The following POFUT3 variants were observed in gnomAD, a reference collection of about 807,000 sequenced individuals.
POFUT3 encodes the protein GDP-fucose protein O-fucosyltransferase 3.
chr8:33,400,602 C>G, the POFUT3 span, among the ~76,000 whole-genome samples: 1 of 151,958 alleles, frequency 6.6e-6, no homozygotes, highest in African/African-American at 2.4e-5. Context: ...TTTCTTATAC[C>G]TAGACTTTGT....
chr8:33,314,994 C>T, the POFUT3 span, among the ~76,000 whole-genome samples: 1 of 152,092 alleles, frequency 6.6e-6, no homozygotes, highest in African/African-American at 2.4e-5. Context: ...AACAATTATG[C>T]TTCAGTAGAA....
the POFUT3 span, among the ~76,000 whole-genome samples, chr8:33,465,813 A>C: frequency 6.6e-6 from 1 of 152,138 alleles, no homozygotes; most frequent in East Asian, 1.9e-4. Context: ...GTGAGTCTAG[A>C]TATCAGCTCA....
chr8:33,329,258 A>T, the POFUT3 span, among the ~76,000 whole-genome samples: 1 of 152,218 alleles, frequency 6.6e-6, no homozygotes, highest in Non-Finnish European at 1.5e-5. Context: ...AAGATGGGGA[A>T]GATGTATTGC....
the POFUT3 span, among the ~76,000 whole-genome samples, chr8:33,455,559 T>A: frequency 1.8e-4 from 27 of 152,336 alleles, 1 homozygote; most frequent in South Asian, 5.2e-3. Context: ...ATATAATTGA[T>A]ATGGCACTAA....
the POFUT3 span, among the ~76,000 whole-genome samples, chr8:33,321,830 G>A: frequency 2.4e-3 from 370 of 152,152 alleles, 4 homozygotes; most frequent in South Asian, 0.029. Context: ...TCACTTCCTC[G>A]GGGCAGCTTT....
chr8:33,393,538 T>C, the POFUT3 span, among the ~76,000 whole-genome samples: 1 of 152,224 alleles, frequency 6.6e-6, no homozygotes, highest in Non-Finnish European at 1.5e-5. Flanking sequence ...TGGGACATGT[T>C]TATATGCCCC....
At chr8:33,334,016 C>G in the POFUT3 span, among the ~76,000 whole-genome samples, 1 of 152,114 alleles carries the variant, frequency 6.6e-6, no homozygotes, top group Admixed American at 6.5e-5. Flanking sequence ...ATCCAACATG[C>G]ACTAAGGAAA....
chr8:33,404,818 C>T, the POFUT3 span, among the ~76,000 whole-genome samples: 3 of 152,068 alleles, frequency 2.0e-5, no homozygotes, highest in East Asian at 3.9e-4. Context: ...AAACCTAAAG[C>T]CCTGACTTGT....
chr8:33,412,521 G>C, the POFUT3 span, among the ~76,000 whole-genome samples: 46,051 of 152,074 alleles, frequency 0.3, 7,097 homozygotes, highest in South Asian at 0.44. Context: ...TGTCTGAGTA[G>C]ATCCACTGGT....
chr8:33,309,351 TTGTGTGTGTGTGTG>T, the POFUT3 span, among the ~76,000 whole-genome samples: 2 of 142,506 alleles, frequency 1.4e-5, no homozygotes, highest in Non-Finnish European at 3.0e-5. Flanking sequence ...CTTAAAGGTA[TTGTGTGTGTGTGTG>T]TGTGTGTGTG....
the POFUT3 span, among the ~76,000 whole-genome samples, chr8:33,329,489 C>A: frequency 6.6e-6 from 1 of 152,186 alleles, no homozygotes; most frequent in East Asian, 1.9e-4. Flanking sequence ...GAATACTTCT[C>A]TTTATTCTTC....
At chr8:33,403,199 G>A in the POFUT3 span, among the ~76,000 whole-genome samples, 15,449 of 151,954 alleles carry the variant, frequency 0.1, 2,089 homozygotes, top group African/African-American at 0.31. Flanking sequence ...ATCATCACCC[G>A]TATTCCCAAA....
At chr8:33,465,615 A>C in the POFUT3 span, among the ~76,000 whole-genome samples, 10 of 152,020 alleles carry the variant, frequency 6.6e-5, no homozygotes, top group Non-Finnish European at 1.3e-4. Context: ...GGCGCGTGCC[A>C]CCACACCCAG....
chr8:33,402,060 G>T, the POFUT3 span, among the ~76,000 whole-genome samples: 1 of 152,012 alleles, frequency 6.6e-6, no homozygotes, highest in East Asian at 1.9e-4. Context: ...GGGTTAAGAA[G>T]CAGCTATTTT....
chr8:33,364,240 C>T, the POFUT3 span, among the ~76,000 whole-genome samples: 1 of 152,144 alleles, frequency 6.6e-6, no homozygotes, highest in African/African-American at 2.4e-5. Context: ...GCTAAAAACT[C>T]TCAATAAACT....
the POFUT3 span, among the ~76,000 whole-genome samples, chr8:33,410,348 A>C: frequency 6.6e-6 from 1 of 152,134 alleles, no homozygotes; most frequent in African/African-American, 2.4e-5. Context: ...TCAGTTCCTC[A>C]CATCTTCTGT....
the POFUT3 span, among the ~76,000 whole-genome samples, chr8:33,352,179 A>C: frequency 6.6e-6 from 1 of 152,200 alleles, no homozygotes; most frequent in South Asian, 2.1e-4. Flanking sequence ...TCTAGTATTC[A>C]TCAAATAGCC....
At chr8:33,375,626 T>C in the POFUT3 span, among the ~76,000 whole-genome samples, 2 of 152,228 alleles carry the variant, frequency 1.3e-5, no homozygotes, top group Non-Finnish European at 2.9e-5. Context: ...GGGAAAATGA[T>C]AGTGTACTAC....
At chr8:33,356,771 C>T in the POFUT3 span, among the ~76,000 whole-genome samples, 6,750 of 152,134 alleles carry the variant, frequency 0.044, 420 homozygotes, top group African/African-American at 0.14. Context: ...AATGGTAATG[C>T]GTAGGTTTTC....
Sources: allele counts gnomAD v4.1 joint callset (sites outside exome capture counted in the v4.1 genomes callset), GRCh38; gene constraint gnomAD v4.1.1; transcripts MANE v1.5; gene names NCBI Gene and HGNC (gene_info 2026-07-23, HGNC 2026-07-21).